Variants in GCSAML observed in about 807,000 individuals in gnomAD.
The protein encoded by GCSAML is germinal center associated signaling and motility like.
Under a neutral mutation model 13.0 loss-of-function variants are expected in GCSAML, and 9 were observed. The ratio of observed to expected loss-of-function variants is 0.69; its 90% CI spans 0.42 to 1.21. The LOEUF is 1.21. Among genes scored for constraint, GCSAML ranks in the 50% most tolerant of loss-of-function variants. The pLI is 0.00. For missense variants in GCSAML, 143 were observed against 153.4 expected (o/e 0.93, Z 0.36); for synonymous variants, 37 against 52.9 (o/e 0.70, Z 1.31).
intron 2 of GCSAML, 45 bp downstream of exon 2, chr1:247,556,511 GT>G (rs764127407): frequency 7.1e-7 from 1 of 1,411,494 alleles, no homozygotes; most frequent in Admixed American, 1.9e-5. Context: ...GTTTTGTTTT[GT>G]TTTTTCATTG....
At chr1:247,564,382 T>TAAA (rs10701220) in intron 3 of GCSAML, among the ~76,000 whole-genome samples, 39 of 130,878 alleles carry the variant, frequency 3.0e-4, no homozygotes, top group African/African-American at 1.0e-3. Context: ...GAGCCTGTCT[T>TAAA]AAAAAAAAAA....
intron 4 of GCSAML, among the ~76,000 whole-genome samples, chr1:247,566,206 ACC>A (rs1171730102): frequency 4.6e-5 from 7 of 152,140 alleles, no homozygotes; most frequent in Non-Finnish European, 7.4e-5. Context: ...GCAAGTTCTT[ACC>A]GTTTTGGCCT....
In GCSAML at chr1:247,574,282, G is replaced by A; in HGVS notation, c.308G>A (p.Arg103Lys). Residue 103 changes from arginine (R) to lysine (K), a missense_variant, in exon 5 of 5, where the codon AGA becomes AAA. Physicochemically the swap from Arg to Lys is conservative, Grantham distance 26. Coordinates refer to ENST00000366488, the MANE Select transcript of GCSAML (RefSeq NM_145278.5). ...CTCACAAGGAAAGTGAGACAGTTTAGAGAAAGGTCAGAGACAGAATATGCC... is the reference window on the plus strand; with the variant it reads ...CTCACAAGGAAAGTGAGACAGTTTAAAGAAAGGTCAGAGACAGAATATGCC... ...DSLTRKVRQF[R>K]ERSETEYALL... 2.5e-6 allele frequency: 4 copies of A among 1,614,082 alleles called. No individual in the cohort carries two copies. Among genetic ancestry groups the A allele is most frequent in the African/African-American group, 1.3e-5 (1 of 75,026 alleles).
chr1:247,540,659 A>C (rs1476089723), intron 2 of GCSAML, among the ~76,000 whole-genome samples: 1 of 152,166 alleles, frequency 6.6e-6, no homozygotes, highest in African/African-American at 2.4e-5. Context: ...TATGAACTGA[A>C]GGTGGGGGCA....
At position 247,550,464 on chromosome 1, in the gene GCSAML, C is replaced by A. The variant is rs139394109; in HGVS notation, c.29+1244C>A. Among the ~76,000 whole-genome samples, 1,344 of 152,096 alleles carry A rather than the reference C, an allele frequency of 8.8e-3. 31 individuals are homozygous for A. Among genetic ancestry groups the A allele is most frequent in the African/African-American group, 0.03 (1,263 of 41,460 alleles). ...CATTCTGGCTAACACGGTGAAACTCCGTCTCTACTAAAAATACAAACAATT... is the reference window on the plus strand; with the variant it reads ...CATTCTGGCTAACACGGTGAAACTCAGTCTCTACTAAAAATACAAACAATT... On this transcript the variant is annotated intron_variant, in intron 1 of 4. Transcript: ENST00000366488.
intron 2 of GCSAML, among the ~76,000 whole-genome samples, chr1:247,535,724 T>G (rs1247190049): frequency 6.6e-6 from 1 of 152,192 alleles, no homozygotes; most frequent in Non-Finnish European, 1.5e-5. Context: ...TAGTAACTTA[T>G]CCAAAGCCCC....
intron 2 of GCSAML, among the ~76,000 whole-genome samples, chr1:247,540,663 G>T (rs1263226136): frequency 1.3e-5 from 2 of 152,226 alleles, no homozygotes; most frequent in Non-Finnish European, 2.9e-5. Flanking sequence ...AACTGAAGGT[G>T]GGGGCAGTGA....
rs1358171763 is a variant in GCSAML, at chr1:247,549,181, A to G, written c.-11A>G. The stretch of plus-strand genomic sequence containing the variant: ...AACTCAGGAGCTGAGAAACCGAGTC[A>G]CTGTGAAAAGATGGGAAATTATCTC... On this transcript the variant is annotated 5_prime_UTR_variant, in exon 1 of 5. Transcript: ENST00000366488. 2 of 1,614,150 alleles carry G rather than the reference A, an allele frequency of 1.2e-6. No homozygotes were observed. Among genetic ancestry groups the G allele is most frequent in the Non-Finnish European group, 1.7e-6 (2 of 1,180,012 alleles).
intron 1 of GCSAML, chr1:247,525,819 G>T (rs1666659310): frequency 6.6e-6 from 1 of 152,284 alleles, no homozygotes; most frequent in Middle Eastern, 3.4e-3. Context: ...GGTCTTTCAG[G>T]TGCCCAGCTC....
At chr1:247,549,089 G>C, upstream of GCSAML, 1 of 1,611,410 alleles carries the variant, frequency 6.2e-7, no homozygotes, top group Non-Finnish European at 8.5e-7. Context: ...CCCGTGGTCA[G>C]ATGCAACGTC....
chr1:247,566,000 A>G lies in GCSAML; in HGVS notation c.168+41A>G, dbSNP rs765640694. 5 of 1,437,680 alleles carry G rather than the reference A, an allele frequency of 3.5e-6. No individual in the cohort carries two copies. The East Asian group carries it at 9.8e-5, about 28-fold the overall frequency. The allele number at this position is 1,437,680 out of a possible 1,614,324, so 89.1% of individuals were successfully genotyped here. A position where few individuals can be genotyped will look rare whatever the true frequency, so the allele number is the denominator to read the frequency against. The stretch of plus-strand genomic sequence containing the variant: ...AAAGCAAGACAAAAGAAAAACACAA[A>G]CTTTTATTATGTTTGTCTGATAAAT... On this transcript the variant is annotated intron_variant, in intron 4 of 4. Coordinates refer to ENST00000366488, the MANE Select transcript of GCSAML (RefSeq NM_145278.5).
intron 2 of GCSAML, among the ~76,000 whole-genome samples, chr1:247,540,323 G>GC (rs555787730): frequency 8.5e-5 from 13 of 152,278 alleles, no homozygotes; most frequent in Non-Finnish European, 1.5e-4. Flanking sequence ...GAGCCACCAC[G>GC]CCCAGCCAGT....
At chr1:247,532,452 T>C in intron 2 of GCSAML, 1 of 1,613,934 alleles carries the variant, frequency 6.2e-7, no homozygotes, top group Non-Finnish European at 8.5e-7. Context: ...GTGAGGGTCG[T>C]GTGGAGAAGC....
intron 2 of GCSAML, among the ~76,000 whole-genome samples, chr1:247,563,006 ATT>A (rs35205676): frequency 4.5e-5 from 6 of 134,618 alleles, no homozygotes; most frequent in Non-Finnish European, 4.7e-5. Flanking sequence ...TACCCAGCTC[ATT>A]TTTTTTTTTT....
intron 2 of GCSAML, chr1:247,531,317 A>G: frequency 1.8e-6 from 1 of 552,448 alleles, no homozygotes; most frequent in Non-Finnish European, 3.2e-6. Flanking sequence ...GACAGTCAAC[A>G]TGTGTATATA....
At chr1:247,515,477 C>T (rs1666179450) in intron 1 of GCSAML, among the ~76,000 whole-genome samples, 1 of 152,140 alleles carries the variant, frequency 6.6e-6, no homozygotes, top group Non-Finnish European at 1.5e-5. Flanking sequence ...CTTGTAGGTC[C>T]AACAGCTTCC....
upstream of GCSAML, among the ~76,000 whole-genome samples, chr1:247,548,803 C>T (rs75738890): frequency 1.3e-5 from 2 of 152,174 alleles, no homozygotes; most frequent in Non-Finnish European, 2.9e-5. This position sits in a 1 kb window ranked among gnomAD's most constrained non-coding sequence, Gnocchi z 5.3. Context: ...TTATTATGCT[C>T]ACTTCGGAGG....
In GCSAML at chr1:247,538,308, A is replaced by G. The variant is rs1242307542; in HGVS notation, c.-147-10737A>G. ...TCAAGTGACATAAACCCATAGACGT[A>G]TGTTAGCTAGTATCTAGTCTAATGG... On this transcript the variant is annotated intron_variant, in intron 2 of 5. Coordinates refer to the GCSAML transcript ENST00000366489. Among the ~76,000 whole-genome samples, 3 of 152,220 alleles carry G rather than the reference A, an allele frequency of 2.0e-5. No homozygotes were observed. In the East Asian group the frequency reaches 5.8e-4, roughly 29 times the overall value.
chr1:247,540,473 C>T (rs1393421055), intron 2 of GCSAML, among the ~76,000 whole-genome samples: 1 of 152,240 alleles, frequency 6.6e-6, no homozygotes, highest in Non-Finnish European at 1.5e-5. Context: ...CTCCGGAGCA[C>T]TGTTCAGCAC....
Sources: gnomAD v4.1 joint callset for allele counts (sites outside exome capture counted in the v4.1 genomes callset) on GRCh38, gnomAD v4.1.1 for gene constraint, Gnocchi (gnomAD v3.1) non-coding constraint, MANE v1.5 for transcripts, NCBI Gene and HGNC (gene_info 2026-07-23, HGNC 2026-07-21) for gene names.